CD226: variants seen among roughly 807,000 people sequenced by gnomAD.
The protein encoded by CD226 is CD226 antigen.
CD226 carries 24 observed loss-of-function variants against 34.9 expected under a neutral mutation model. The observed-to-expected ratio is 0.69, with a 90% confidence interval of 0.50 to 0.97. The LOEUF is 0.97. CD226 is among the 50% of genes least tolerant of loss of function. CD226 has a pLI of 0.00. For synonymous variants in CD226, 148 were observed against 147.4 expected, an observed-to-expected ratio of 1.00 and a Z score of -0.03; for missense variants, 397 against 412.7, an observed-to-expected ratio of 0.96 and a Z score of 0.33.
At chr18:69,949,592 C>T (rs1599035213), upstream of CD226, among the ~76,000 whole-genome samples, 1 of 152,232 alleles carries the variant, frequency 6.6e-6, no homozygotes, top group Admixed American at 6.5e-5. Flanking sequence ...CACACACACA[C>T]ACACACGGAT....
intron 3 of CD226, among the ~76,000 whole-genome samples, chr18:69,891,667 A>G (rs1051251207): frequency 5.3e-5 from 8 of 152,218 alleles, no homozygotes; most frequent in African/African-American, 1.9e-4. Context: ...AACATATAAA[A>G]TATCAGTCAG....
At chr18:69,915,433 T>A (rs1291883744) in intron 2 of CD226, among the ~76,000 whole-genome samples, 1 of 152,152 alleles carries the variant, frequency 6.6e-6, no homozygotes, top group African/African-American at 2.4e-5. Flanking sequence ...GAAGCAAAGA[T>A]GAAATGGAGA....
At chr18:69,949,203 T>C (rs1274843137), upstream of CD226, among the ~76,000 whole-genome samples, 1 of 152,082 alleles carries the variant, frequency 6.6e-6, no homozygotes, top group Non-Finnish European at 1.5e-5. Flanking sequence ...CCCAGCACAA[T>C]TCCTCAGGCA....
chr18:69,957,373 T>C (rs1599040769), upstream of CD226, among the ~76,000 whole-genome samples: 1 of 151,800 alleles, frequency 6.6e-6, no homozygotes, highest in East Asian at 1.9e-4. Context: ...TTGTCTCCCA[T>C]TCTCCGACAG....
At chr18:69,886,230 A>G (rs1984548679) in intron 3 of CD226, among the ~76,000 whole-genome samples, 1 of 152,208 alleles carries the variant, frequency 6.6e-6, no homozygotes, top group South Asian at 2.1e-4. Flanking sequence ...CACAGACGTC[A>G]AACGTGGGCA....
At chr18:69,878,045 C>T (rs1032538364) in intron 3 of CD226, among the ~76,000 whole-genome samples, 2 of 152,164 alleles carry the variant, frequency 1.3e-5, no homozygotes. Flanking sequence ...AAAGGAAAAG[C>T]AAATGGGTAC....
rs113844427 is a variant in CD226 at position 69,867,816 on chromosome 18, TA to T, written c.831-406del. ...CTTGGATGACAATATAATGAAGCTT[TA>T]TAAAATCTTTTGGGTGTTATTCTAA... is the stretch of plus-strand genomic sequence containing the variant. On this transcript the variant is annotated intron_variant, in intron 4 of 5. Transcript: ENST00000582621. Among the ~76,000 whole-genome samples, 162 of 136,128 alleles carry T rather than the reference TA, an allele frequency of 1.2e-3. 1 individual carries two copies. The highest frequency in any genetic ancestry group is 5.4e-3 in the African/African-American group (148 of 27,658). 89.3% of individuals were successfully genotyped at this position (136,128 alleles called of 152,430 possible).
upstream of CD226, among the ~76,000 whole-genome samples, chr18:69,949,379 A>G (rs1033527671): frequency 6.6e-6 from 1 of 152,230 alleles, no homozygotes; most frequent in East Asian, 1.9e-4. Context: ...GAAGACCTCC[A>G]TCAGAATTGG....
chr18:69,871,192 GCTCC>G lies in CD226; in HGVS notation c.830+1948_830+1951del, dbSNP rs551773540. 3.3e-5 allele frequency among the ~76,000 whole-genome samples: 5 copies of G among 152,280 alleles called. No individual in the cohort carries two copies. In the South Asian group the frequency reaches 1.0e-3, roughly 32 times the overall value. On this transcript the variant is annotated intron_variant, in intron 4 of 5. Coordinates refer to ENST00000582621, the MANE Select transcript of CD226 (RefSeq NM_001303618.2). ...AGTCACATTTGCCCGGTTCCCATGT[GCTCC>G]CTCTGCCATCTCTGCCCCCAGGATG...
At chr18:69,879,486 G>T (rs1435331185) in intron 3 of CD226, among the ~76,000 whole-genome samples, 4 of 152,074 alleles carry the variant, frequency 2.6e-5, no homozygotes, top group African/African-American at 7.2e-5. Context: ...GATAATAAGA[G>T]AAATATGGCT....
intron 4 of CD226, among the ~76,000 whole-genome samples, chr18:69,872,081 TGTGTGTGTGG>T (rs1214206008): frequency 1.3e-5 from 2 of 151,670 alleles, no homozygotes; most frequent in Non-Finnish European, 2.9e-5. Context: ...TGTGTGTGTG[TGTGTGTGTGG>T]TGCATTTGGT....
chr18:69,932,366 C>G (rs1292239832), intron 2 of CD226, among the ~76,000 whole-genome samples: 1 of 152,162 alleles, frequency 6.6e-6, no homozygotes, highest in African/African-American at 2.4e-5. Flanking sequence ...CTACTCCCAG[C>G]CCACTGCAAA....
intron 3 of CD226, 133 bp from the exon 4 acceptor site, chr18:69,873,379 T>C: frequency 1.8e-6 from 1 of 561,086 alleles, no homozygotes; most frequent in Non-Finnish European, 3.2e-6. Context: ...AAAAATAGAA[T>C]GAGTTACAGG....
At chr18:69,949,786 TCAGA>T (rs559681924), upstream of CD226, among the ~76,000 whole-genome samples, 90 of 151,718 alleles carry the variant, frequency 5.9e-4, no homozygotes, top group Admixed American at 1.9e-3. Context: ...GCTCACAGTC[TCAGA>T]CACACAATCA....
intron 2 of CD226, among the ~76,000 whole-genome samples, chr18:69,944,006 T>C (rs1051015022): frequency 6.6e-6 from 1 of 151,986 alleles, no homozygotes; most frequent in African/African-American, 2.4e-5. Flanking sequence ...TTAATGTATT[T>C]TCAACTCCCC....
intron 2 of CD226, among the ~76,000 whole-genome samples, chr18:69,901,683 T>C (rs986515227): frequency 2.6e-5 from 4 of 151,948 alleles, no homozygotes; most frequent in African/African-American, 9.7e-5. Context: ...ATCAAGACCA[T>C]CCTGGCTAAC....
intron 2 of CD226, among the ~76,000 whole-genome samples, chr18:69,940,988 G>C (rs533748926): frequency 6.6e-6 from 1 of 152,316 alleles, no homozygotes; most frequent in African/African-American, 2.4e-5. Flanking sequence ...CTATGTCCCA[G>C]CCACGGCTAA....
At chr18:69,910,679 A>C (rs2055312917) in intron 2 of CD226, among the ~76,000 whole-genome samples, 1 of 152,224 alleles carries the variant, frequency 6.6e-6, no homozygotes. Context: ...GTAGTATACT[A>C]GTTTCAGTTT....
chr18:69,912,754 C>A (rs2055341100), intron 2 of CD226, among the ~76,000 whole-genome samples: 1 of 152,200 alleles, frequency 6.6e-6, no homozygotes, highest in Admixed American at 6.5e-5. Flanking sequence ...AGTACTATTT[C>A]ATTTTCACAT....
Sources: allele counts gnomAD v4.1 joint callset (sites outside exome capture counted in the v4.1 genomes callset), GRCh38; gene constraint gnomAD v4.1.1; transcripts MANE v1.5; gene names NCBI Gene and HGNC (gene_info 2026-07-23, HGNC 2026-07-21).